Variants in UCHL5 observed in about 807,000 individuals in gnomAD.
UCHL5 encodes ubiquitin carboxyl-terminal hydrolase isozyme L5.
Under a neutral mutation model 53.8 loss-of-function variants are expected in UCHL5, and 34 were observed. The ratio of observed to expected loss-of-function variants is 0.63; its 90% CI spans 0.48 to 0.84. The LOEUF (loss-of-function observed/expected upper bound fraction) is 0.84, where lower values mean the gene tolerates loss of function less well. Among genes scored for constraint, UCHL5 ranks in the 40% least tolerant of loss-of-function variants. UCHL5 has a pLI of 0.00. For synonymous variants in UCHL5, 111 were observed against 126.3 expected (o/e 0.88, Z 0.81); for missense variants, 290 against 385.6 (o/e 0.75, Z 2.08).
chr1:193,059,858 C>CA, upstream of UCHL5: 1 of 1,363,766 alleles, frequency 7.3e-7, no homozygotes, highest in Non-Finnish European at 9.8e-7. The surrounding 1 kb of genome is among the most constrained non-coding windows in gnomAD (Gnocchi z 4.9). Context: ...CTCCATGTCT[C>CA]TCACCCGCAT....
At chr1:193,027,307 A>G (rs1185862679) in intron 7 of UCHL5, among the ~76,000 whole-genome samples, 2 of 152,186 alleles carry the variant, frequency 1.3e-5, no homozygotes, top group Non-Finnish European at 2.9e-5. Flanking sequence ...TTGAATATAC[A>G]ATTACCCCAA....
intron 3 of UCHL5, among the ~76,000 whole-genome samples, chr1:193,036,316 CCAAAAAAAAA>C (rs1558084721): frequency 4.1e-5 from 3 of 73,518 alleles, no homozygotes; most frequent in Non-Finnish European, 5.5e-5. Context: ...CAACTGGAAA[CCAAAAAAAAA>C]AAAAAAAAAA....
chr1:193,048,479 G>A (rs1445190205), intron 3 of UCHL5, among the ~76,000 whole-genome samples: 1 of 152,158 alleles, frequency 6.6e-6, no homozygotes, highest in African/African-American at 2.4e-5. Context: ...TCCATTTGAA[G>A]GGCAACATAA....
At chr1:193,059,964 G>C, upstream of UCHL5, 3 of 1,366,454 alleles carry the variant, frequency 2.2e-6, no homozygotes, top group Non-Finnish European at 2.0e-6. This position sits in a 1 kb window ranked among gnomAD's most constrained non-coding sequence, Gnocchi z 4.9. Context: ...CCAGCATCGC[G>C]GTAGGGACAT....
upstream of UCHL5, chr1:193,060,044 C>A (rs369237382): frequency 1.5e-6 from 2 of 1,340,712 alleles, no homozygotes; most frequent in South Asian, 1.2e-5. Flanking sequence ...TCCTGCTTGT[C>A]GGCATCGCTC....
chr1:193,051,653 C>A, intron 2 of UCHL5, 101 bp downstream of exon 2: 1 of 629,186 alleles, frequency 1.6e-6, no homozygotes, highest in Non-Finnish European at 2.6e-6. Context: ...ACGTATTCAA[C>A]CTAGAGTAAT....
chr1:193,023,983 G>T, intron 7 of UCHL5, 37 bp from the exon 8 acceptor site: 1 of 1,399,012 alleles, frequency 7.1e-7, no homozygotes, highest in Non-Finnish European at 1.0e-6. Context: ...ATGTAATAAA[G>T]AATTGTACAA....
At position 193,022,967 on chromosome 1, in the gene UCHL5, T is replaced by G; in HGVS notation, c.802A>C (p.Met268Leu). ...TTCTGTACTTCTTCTTCAATAAGCA[T>G]CTGATTTTTGGCAACTTCTGACTGA... ...AIQSEVAKNQ[M>L]LIEEEVQKLK... The change falls in exon 9 of 11, where the codon ATG (methionine) becomes CTG (leucine). Residue 268 changes from methionine (M) to leucine (L), a missense_variant. Met to Leu is a conservative substitution (Grantham distance 15). Coordinates refer to ENST00000367454, the MANE Select transcript of UCHL5 (RefSeq NM_001199261.3). 1 of 1,613,224 alleles carries G rather than the reference T, an allele frequency of 6.2e-7. No homozygotes were observed. The highest frequency in any genetic ancestry group is 8.5e-7 in the Non-Finnish European group (1 of 1,179,502).
intron 3 of UCHL5, among the ~76,000 whole-genome samples, chr1:193,044,745 G>C (rs1178956515): frequency 2.0e-5 from 3 of 152,016 alleles, no homozygotes; most frequent in African/African-American, 7.3e-5. Context: ...AATTATTACT[G>C]TAAGCCCTTG....
intron 10 of UCHL5, among the ~76,000 whole-genome samples, chr1:193,019,105 T>G (rs1655957499): frequency 6.6e-6 from 1 of 151,590 alleles, no homozygotes; most frequent in Admixed American, 6.6e-5. Flanking sequence ...TGCTACAGAT[T>G]AAGCACTTAA....
At chr1:193,045,937 T>A (rs1558136830) in intron 3 of UCHL5, among the ~76,000 whole-genome samples, 1 of 152,242 alleles carries the variant, frequency 6.6e-6, no homozygotes, top group Non-Finnish European at 1.5e-5. Context: ...ACTACGTAGA[T>A]CTTAAAATTT....
chr1:193,037,540 A>G (rs1468308143), intron 3 of UCHL5, among the ~76,000 whole-genome samples: 6 of 152,158 alleles, frequency 3.9e-5, no homozygotes, highest in Non-Finnish European at 1.5e-5. Context: ...ACTAAATTCT[A>G]CTCAACATTT....
In UCHL5 at chr1:193,057,315, A is replaced by G. The variant is rs140058092; in HGVS notation, c.76+1870T>C. The G allele has an allele frequency of 5.4e-5, 9 of 165,750 alleles. No individual in the cohort carries two copies. In the East Asian group the frequency reaches 1.1e-3, roughly 20 times the overall value. The allele number at this position is 165,750 out of a possible 1,614,324, so 10.3% of individuals were successfully genotyped here. A position where few individuals can be genotyped will look rare whatever the true frequency, so the allele number is the denominator to read the frequency against. ...AGTAATATACTACCACTCAACCTCT[A>G]CTGTAAGGTTGGCAGCCCTGAGAAC... is the stretch of plus-strand genomic sequence containing the variant. On this transcript the variant is annotated intron_variant, in intron 1 of 10. Coordinates refer to ENST00000367454, the MANE Select transcript of UCHL5 (RefSeq NM_001199261.3).
In UCHL5 at chr1:193,012,576, G is replaced by C. The variant is rs962154121; in HGVS notation, c.*3775C>G. 3.3e-5 allele frequency: 5 copies of C among 152,042 alleles called. No individual in the cohort carries two copies. The highest frequency in any genetic ancestry group is 1.2e-4 in the African/African-American group (5 of 41,386). 9.4% of individuals were successfully genotyped at this position (152,042 alleles called of 1,614,324 possible). ...CTATATGCCTATATGCAATCCACTTGTACAGTGCTAGTTCAGTACTAGAGA... is the reference window on the plus strand; with the variant it reads ...CTATATGCCTATATGCAATCCACTTCTACAGTGCTAGTTCAGTACTAGAGA... On this transcript the variant is annotated 3_prime_UTR_variant, in exon 11 of 11. Transcript: ENST00000367454.
At chr1:193,027,146 A>AG (rs1659577994) in intron 7 of UCHL5, among the ~76,000 whole-genome samples, 2 of 152,258 alleles carry the variant, frequency 1.3e-5, no homozygotes, top group African/African-American at 2.4e-5. Context: ...GTGGAGAGCA[A>AG]ATTTTGCTGT....
chr1:193,041,454 C>A (rs1665536346), intron 3 of UCHL5, among the ~76,000 whole-genome samples: 1 of 152,074 alleles, frequency 6.6e-6, no homozygotes, highest in Admixed American at 6.5e-5. Flanking sequence ...AATTAGCTGA[C>A]AAAAATTTAA....
rs1316688548 is a variant in UCHL5 at position 193,014,794 on chromosome 1, T to A, written c.*1557A>T. On this transcript the variant is annotated 3_prime_UTR_variant, in exon 11 of 11. Coordinates refer to ENST00000367454, the MANE Select transcript of UCHL5 (RefSeq NM_001199261.3). ...TTTCAGGCTCTCTCTTCTGTTCCAT[T>A]GCTTTATTTGTCAATCCTAGTGCCA... The A allele has an allele frequency of 1.3e-5, 2 of 152,148 alleles. No homozygotes were observed. Among genetic ancestry groups the A allele is most frequent in the Admixed American group, 1.3e-4 (2 of 15,262 alleles). 9.4% of individuals were successfully genotyped at this position (152,148 alleles called of 1,614,324 possible). A position where few individuals can be genotyped will look rare whatever the true frequency, so the allele number is the denominator to read the frequency against.
At chr1:193,052,075 A>G (rs1333441678) in intron 1 of UCHL5, among the ~76,000 whole-genome samples, 1 of 151,414 alleles carries the variant, frequency 6.6e-6, no homozygotes, top group Non-Finnish European at 1.5e-5. Flanking sequence ...CTCTCTCTCA[A>G]TCTCTGGCAC....
chr1:193,035,660 A>G (rs1177114957), intron 3 of UCHL5, among the ~76,000 whole-genome samples: 2 of 152,094 alleles, frequency 1.3e-5, no homozygotes, highest in Non-Finnish European at 2.9e-5. Context: ...AAGGTCTAAA[A>G]TCCACTGGTA....
Sources: allele counts gnomAD v4.1 joint callset (sites outside exome capture counted in the v4.1 genomes callset), GRCh38; gene constraint gnomAD v4.1.1; non-coding constraint Gnocchi (gnomAD v3.1); transcripts MANE v1.5; gene names NCBI Gene and HGNC (gene_info 2026-07-23, HGNC 2026-07-21).